STX18: variants seen among roughly 807,000 people sequenced by gnomAD.
STX18 encodes the protein syntaxin-18.
In STX18, 40 loss-of-function variants were observed where a neutral mutation model predicts 50.1. The ratio of observed to expected loss-of-function variants is 0.80; its 90% CI spans 0.62 to 1.04. The LOEUF (loss-of-function observed/expected upper bound fraction) is 1.04. Among genes scored for constraint, STX18 ranks in the 50% least tolerant of loss-of-function variants. The pLI, the probability that STX18 is intolerant of heterozygous loss-of-function variation, is 0.00. For synonymous variants in STX18, 158 were observed against 151.8 expected (o/e 1.04, Z -0.30); for missense variants, 410 against 415.8 (o/e 0.99, Z 0.12).
At chr4:4,458,678 G>A (rs1310929028) in intron 3 of STX18, among the ~76,000 whole-genome samples, 1 of 152,184 alleles carries the variant, frequency 6.6e-6, no homozygotes, top group Non-Finnish European at 1.5e-5. Flanking sequence ...GAGATAATAA[G>A]CGCTCTTGTG....
At chr4:4,481,779 G>A (rs1488224336) in intron 1 of STX18, 1 of 152,258 alleles carries the variant, frequency 6.6e-6, no homozygotes, top group Non-Finnish European at 1.5e-5. Flanking sequence ...TCCTATCCCT[G>A]TGCAAAAGAA....
Position 4,438,519 on chromosome 4 carries a change from A to G in STX18, c.498-10T>C. 6.3e-7 allele frequency: 1 copy of G among 1,584,334 alleles called. No individual in the cohort carries two copies. Among genetic ancestry groups the G allele is most frequent in the Non-Finnish European group, 8.6e-7 (1 of 1,158,014 alleles). On this transcript the variant is annotated splice_polypyrimidine_tract_variant and intron_variant, in intron 5 of 10. Coordinates refer to ENST00000306200, the MANE Select transcript of STX18 (RefSeq NM_016930.4). ...TGGTTCCAGCTTAGATCTAAAAATA[A>G]ATAATTAGCAGGCAGGTATTTTATT...
chr4:4,487,113 AACACACAC>A (rs368252347), intron 1 of STX18, among the ~76,000 whole-genome samples: 1 of 150,572 alleles, frequency 6.6e-6, no homozygotes, highest in Admixed American at 6.6e-5. Flanking sequence ...AACACTGTTC[AACACACAC>A]ACACACACGA....
chr4:4,542,255 TCTG>T (rs1454470269), upstream of STX18: 7 of 318,914 alleles, frequency 2.2e-5, no homozygotes, highest in Non-Finnish European at 3.4e-5. Context: ...AGCGAGCTCT[TCTG>T]TGTCTGTTTG....
At chr4:4,500,126 C>A (rs969975754) in intron 1 of STX18, among the ~76,000 whole-genome samples, 6 of 152,102 alleles carry the variant, frequency 3.9e-5, no homozygotes, top group Non-Finnish European at 8.8e-5. Flanking sequence ...TTTTCTCCAA[C>A]CTTATTTTCT....
At chr4:4,476,833 G>T (rs936347473) in intron 1 of STX18, among the ~76,000 whole-genome samples, 2 of 152,082 alleles carry the variant, frequency 1.3e-5, no homozygotes, top group Non-Finnish European at 2.9e-5. Context: ...GTGAGTACAT[G>T]CTTATATGGG....
chr4:4,512,076 A>G (rs1252710573), intron 1 of STX18, among the ~76,000 whole-genome samples: 1 of 152,102 alleles, frequency 6.6e-6, no homozygotes. Context: ...AATATCCCCT[A>G]GAAGCAAAAT....
chr4:4,448,137 T>C (rs2108803705), intron 5 of STX18, among the ~76,000 whole-genome samples: 1 of 152,282 alleles, frequency 6.6e-6, no homozygotes, highest in Admixed American at 6.5e-5. Context: ...CACACCAGAC[T>C]GACCTGATGC....
In STX18 at chr4:4,501,317, T is replaced by G. The variant is rs1729448393; in HGVS notation, c.169-29611A>C. Among the ~76,000 whole-genome samples, 5 of 152,326 alleles carry G rather than the reference T, an allele frequency of 3.3e-5. No individual in the cohort carries two copies. The South Asian group carries it at 1.0e-3, about 32-fold the overall frequency. Reference sequence around the variant, plus strand: ...GACATGGTTCCTCATTCTGTTTGCCTCACAGCACCCCTCCCAGCCTCCTAG... The same window carrying G: ...GACATGGTTCCTCATTCTGTTTGCCGCACAGCACCCCTCCCAGCCTCCTAG... On this transcript the variant is annotated intron_variant, in intron 1 of 10. Coordinates refer to ENST00000306200, the MANE Select transcript of STX18 (RefSeq NM_016930.4).
chr4:4,474,923 G>T (rs974299242), intron 1 of STX18, among the ~76,000 whole-genome samples: 1 of 152,188 alleles, frequency 6.6e-6, no homozygotes, highest in Admixed American at 6.5e-5. Context: ...GATGTAATTG[G>T]TTACAGCAGC....
chr4:4,519,026 C>T (rs1167060476), intron 1 of STX18, among the ~76,000 whole-genome samples: 1 of 152,112 alleles, frequency 6.6e-6, no homozygotes, highest in African/African-American at 2.4e-5. Context: ...TGTGTGAACC[C>T]ACAAACCACT....
intron 1 of STX18, among the ~76,000 whole-genome samples, chr4:4,517,208 C>T (rs1354660162): frequency 7.9e-5 from 12 of 152,148 alleles, no homozygotes; most frequent in Admixed American, 6.5e-4. Context: ...TGATTCCCAC[C>T]CACATCATGA....
chr4:4,482,573 G>A (rs966392544), intron 1 of STX18, among the ~76,000 whole-genome samples: 12 of 152,156 alleles, frequency 7.9e-5, no homozygotes, highest in Non-Finnish European at 1.3e-4. Flanking sequence ...TTAAACACTG[G>A]CTAAAGGAGC....
At chr4:4,535,194 T>C (rs373001678) in intron 1 of STX18, among the ~76,000 whole-genome samples, 6 of 152,372 alleles carry the variant, frequency 3.9e-5, no homozygotes, top group African/African-American at 1.4e-4. Context: ...TTTATCTATC[T>C]TTTCAAAGAA....
intron 1 of STX18, among the ~76,000 whole-genome samples, chr4:4,489,982 C>T (rs1275622004): frequency 6.6e-6 from 1 of 152,140 alleles, no homozygotes. Flanking sequence ...TCCCCTTTAA[C>T]AGTTTTTCAG....
chr4:4,420,884 C>T lies in STX18; in HGVS notation c.892G>A (p.Gly298Ser), dbSNP rs1360336694. 1 of 1,614,182 alleles carries T rather than the reference C, an allele frequency of 6.2e-7. No homozygotes were observed. The highest frequency in any genetic ancestry group is 1.3e-5 in the African/African-American group (1 of 75,064). ...VVGATENIKE[G>S]NEDIREAIKN... The stretch of plus-strand genomic sequence containing the variant: ...CCTACCTCTCTTATGTCTTCGTTGC[C>T]TTCCTTGATATTTTCAGTTGCCCCC... The change falls in exon 10 of 11, where the codon GGC becomes AGC. Residue 298 changes from glycine (G) to serine (S), a missense_variant. Coordinates refer to ENST00000306200, the MANE Select transcript of STX18 (RefSeq NM_016930.4). The surrounding 1 kb of genome is among the most constrained non-coding windows in gnomAD (Gnocchi z 4.3).
intron 1 of STX18, among the ~76,000 whole-genome samples, chr4:4,535,637 T>C (rs1376885543): frequency 1.3e-5 from 2 of 152,182 alleles, no homozygotes; most frequent in African/African-American, 4.8e-5. Context: ...CCAAAGCTGC[T>C]CCTTATTTCA....
At chr4:4,521,705 A>T (rs1011608104) in intron 1 of STX18, among the ~76,000 whole-genome samples, 20 of 152,278 alleles carry the variant, frequency 1.3e-4, no homozygotes, top group Admixed American at 5.2e-4. Context: ...TCAGTTCAGA[A>T]AGAAGAATAT....
intron 1 of STX18, among the ~76,000 whole-genome samples, chr4:4,528,282 T>C (rs1017769335): frequency 2.6e-5 from 4 of 152,154 alleles, no homozygotes; most frequent in South Asian, 2.1e-4. Flanking sequence ...ATCCCCAATA[T>C]TGGAGGGGGG....
Sources: gnomAD v4.1 joint callset for allele counts (sites outside exome capture counted in the v4.1 genomes callset) on GRCh38, gnomAD v4.1.1 for gene constraint, Gnocchi (gnomAD v3.1) non-coding constraint, MANE v1.5 for transcripts, NCBI Gene and HGNC (gene_info 2026-07-23, HGNC 2026-07-21) for gene names.